DCLK1: variants seen among roughly 807,000 people sequenced by gnomAD.
DCLK1 encodes doublecortin like kinase 1, also known as serine/threonine-protein kinase DCLK1.
Under a neutral mutation model 86.2 loss-of-function variants are expected in DCLK1, and 16 were observed. The observed-to-expected ratio is 0.19, with a 90% CI of 0.13 to 0.28. DCLK1 has a LOEUF of 0.28. Ranked by LOEUF, DCLK1 falls within the 10% of genes least tolerant of loss-of-function variation. DCLK1 has a pLI of 1.00. For missense variants in DCLK1, 590 were observed against 940.2 expected, an observed-to-expected ratio of 0.63 and a Z score of 4.87; for synonymous variants, 369 against 370.5, an observed-to-expected ratio of 1.00 and a Z score of 0.05.
chr13:35,871,087 C>A, intron 5 of DCLK1, 137 bp downstream of exon 5: 1 of 657,048 alleles, frequency 1.5e-6, no homozygotes, highest in Non-Finnish European at 2.6e-6. Context: ...ATCTGTTCAA[C>A]CGCTCTAAGA....
intron 11 of DCLK1, among the ~76,000 whole-genome samples, chr13:35,816,282 C>A (rs1385265642): frequency 6.6e-6 from 1 of 152,192 alleles, no homozygotes; most frequent in Non-Finnish European, 1.5e-5. Flanking sequence ...AATCTTGACA[C>A]TCAGAAATAA....
intron 3 of DCLK1, among the ~76,000 whole-genome samples, chr13:36,019,799 G>A (rs1352981622): frequency 6.6e-6 from 1 of 152,180 alleles, no homozygotes; most frequent in African/African-American, 2.4e-5. Flanking sequence ...GACAGCGAAA[G>A]GCACATTGTA....
intron 7 of DCLK1, among the ~76,000 whole-genome samples, chr13:35,837,508 G>C (rs1228334793): frequency 6.6e-6 from 1 of 151,984 alleles, no homozygotes; most frequent in Non-Finnish European, 1.5e-5. Flanking sequence ...TCAGCCAGGG[G>C]AGTTTTGTCT....
At chr13:35,947,247 G>T (rs1282833512) in intron 4 of DCLK1, 111 bp downstream of exon 4, 10 of 687,846 alleles carry the variant, frequency 1.5e-5, no homozygotes, top group Non-Finnish European at 2.5e-5. Flanking sequence ...GCTGGGTGAG[G>T]ATCTGAAACT....
intron 4 of DCLK1, among the ~76,000 whole-genome samples, chr13:35,901,225 G>A (rs539721320): frequency 6.6e-6 from 1 of 152,056 alleles, no homozygotes; most frequent in African/African-American, 2.4e-5. Context: ...GGTGGCTTAC[G>A]CCTGTAATCC....
chr13:35,887,787 C>T (rs563369654), intron 4 of DCLK1, among the ~76,000 whole-genome samples: 352 of 142,994 alleles, frequency 2.5e-3, no homozygotes, highest in Non-Finnish European at 4.2e-3. Flanking sequence ...CTGTGGTATG[C>T]GCCTATAGTC....
chr13:35,973,454 G>A (rs1318957830), intron 3 of DCLK1, among the ~76,000 whole-genome samples: 2 of 152,134 alleles, frequency 1.3e-5, no homozygotes, highest in Non-Finnish European at 1.5e-5. Flanking sequence ...GGCCAGATGT[G>A]CCTAAGTCCT....
intron 3 of DCLK1, among the ~76,000 whole-genome samples, chr13:35,999,145 C>T (rs1286809787): frequency 6.6e-6 from 1 of 152,078 alleles, no homozygotes; most frequent in Non-Finnish European, 1.5e-5. Flanking sequence ...GTCCCAGCTA[C>T]TCAGGAGGCT....
chr13:35,846,187 C>T, intron 6 of DCLK1: 1 of 985,238 alleles, frequency 1.0e-6, no homozygotes, highest in South Asian at 4.7e-5. Flanking sequence ...AATACACATC[C>T]AATCAACTGA....
chr13:35,815,029 A>G (rs2153103724), intron 11 of DCLK1, among the ~76,000 whole-genome samples: 1 of 152,342 alleles, frequency 6.6e-6, no homozygotes, highest in Non-Finnish European at 1.5e-5. Context: ...GGTTCCAATT[A>G]AAACCTGAAG....
intron 3 of DCLK1, among the ~76,000 whole-genome samples, chr13:36,036,529 C>T (rs1238184928): frequency 6.6e-6 from 1 of 152,150 alleles, no homozygotes; most frequent in African/African-American, 2.4e-5. Context: ...TAACACTAGA[C>T]CACCATTTAC....
chr13:35,933,272 G>A (rs1566609049), intron 4 of DCLK1, among the ~76,000 whole-genome samples: 1 of 152,208 alleles, frequency 6.6e-6, no homozygotes, highest in Admixed American at 6.5e-5. Flanking sequence ...GGCATTGAGT[G>A]TCTGCGGCTT....
chr13:35,912,837 C>T (rs78529536), intron 4 of DCLK1, among the ~76,000 whole-genome samples: 16,021 of 152,128 alleles, frequency 0.11, 1,185 homozygotes, highest in African/African-American at 0.21. Context: ...CCACTGTCCA[C>T]GGACAGCAGA....
intron 16 of DCLK1, among the ~76,000 whole-genome samples, chr13:35,783,314 AT>A (rs915271362): frequency 8.2e-4 from 93 of 113,576 alleles, no homozygotes; most frequent in Admixed American, 1.5e-3. Flanking sequence ...CAGAAAGCAA[AT>A]TTTTTTTTTT....
At chr13:35,822,665 A>C in intron 11 of DCLK1, 64 bp downstream of exon 11, 37 of 1,559,924 alleles carry the variant, frequency 2.4e-5, no homozygotes, top group Non-Finnish European at 2.9e-5. Context: ...AGAAAAAAGA[A>C]ATATTCATAT....
intron 16 of DCLK1, among the ~76,000 whole-genome samples, chr13:35,783,728 GTGCCCACCACCA>G (rs2086571255): frequency 6.6e-6 from 1 of 151,968 alleles, no homozygotes; most frequent in African/African-American, 2.4e-5. Context: ...GGGATTACAG[GTGCCCACCACCA>G]TGCCCAGCTA....
intron 4 of DCLK1, among the ~76,000 whole-genome samples, chr13:35,894,140 A>G (rs1406539117): frequency 1.3e-5 from 2 of 151,942 alleles, no homozygotes. Context: ...AAACAAACAA[A>G]CAAAAAAAAA....
chr13:35,866,876 C>T (rs12431039), intron 5 of DCLK1, among the ~76,000 whole-genome samples: 38,365 of 152,112 alleles, frequency 0.25, 4,912 homozygotes, highest in Admixed American at 0.34. Flanking sequence ...GACAATTCAA[C>T]GTGCCTTTCC....
intron 4 of DCLK1, among the ~76,000 whole-genome samples, chr13:35,917,317 C>T (rs1875475736): frequency 6.6e-6 from 1 of 152,186 alleles, no homozygotes. Context: ...GGTATTTTTC[C>T]TCCCCTATAA....
Sources: gnomAD v4.1 joint callset for allele counts (sites outside exome capture counted in the v4.1 genomes callset) on GRCh38, gnomAD v4.1.1 for gene constraint, MANE v1.5 for transcripts, NCBI Gene and HGNC (gene_info 2026-07-23, HGNC 2026-07-21) for gene names.